APBB2: variants seen among roughly 807,000 people sequenced by gnomAD.
APBB2 encodes the protein Fe65-like 1.
A neutral mutation model predicts 82.5 loss-of-function variants in APBB2; 38 were observed. That is an observed-to-expected ratio of 0.46 (90% CI 0.36 to 0.60). APBB2 has a LOEUF of 0.60. Ranked by LOEUF, APBB2 falls within the 20% of genes least tolerant of loss-of-function variation. The probability of loss-of-function intolerance (pLI) is 0.00; values close to 1 mark genes in which losing one functional copy is unlikely to be tolerated. For missense variants in APBB2, 772 were observed against 972.3 expected, an observed-to-expected ratio of 0.79 and a Z score of 2.74; for synonymous variants, 341 against 368.2, an observed-to-expected ratio of 0.93 and a Z score of 0.85.
rs1357817710 is a variant in APBB2, at chr4:41,214,522, C to A, written c.-534G>T. On this transcript the variant is annotated 5_prime_UTR_variant, in exon 1 of 18. Transcript: ENST00000508593. ...CAGCGCACTAGCTTCCTACTTGAGA[C>A]CAGAACGGGCTCCGGCAACTGAGCA... 1 of 152,320 alleles carries A rather than the reference C, an allele frequency of 6.6e-6. No individual in the cohort carries two copies. The highest frequency in any genetic ancestry group is 1.5e-5 in the Non-Finnish European group (1 of 68,122). The allele number at this position is 152,320 out of a possible 1,614,324, so 9.4% of individuals were successfully genotyped here. A position where few individuals can be genotyped will look rare whatever the true frequency, so the allele number is the denominator to read the frequency against.
At chr4:40,963,511 G>C (rs1471937565) in intron 6 of APBB2, among the ~76,000 whole-genome samples, 2 of 152,238 alleles carry the variant, frequency 1.3e-5, no homozygotes, top group Non-Finnish European at 2.9e-5. Context: ...GCCTCCCAAA[G>C]TGCTGGGATT....
At chr4:41,182,814 CA>C (rs558516748) in intron 1 of APBB2, among the ~76,000 whole-genome samples, 174 of 152,224 alleles carry the variant, frequency 1.1e-3, no homozygotes, top group African/African-American at 4.0e-3. Flanking sequence ...TGTGAGAACT[CA>C]CTGACTACCA....
chr4:41,134,218 G>A (rs1319152643), intron 2 of APBB2, among the ~76,000 whole-genome samples: 3 of 152,022 alleles, frequency 2.0e-5, no homozygotes, highest in African/African-American at 7.2e-5. Flanking sequence ...CTGGTCTCAA[G>A]TGATCCTCCT....
chr4:41,049,522 C>T (rs1383259248), intron 4 of APBB2, among the ~76,000 whole-genome samples: 2 of 144,582 alleles, frequency 1.4e-5, no homozygotes, highest in African/African-American at 5.3e-5. Flanking sequence ...GGCCAGCCCC[C>T]GCCCGGCCAG....
intron 1 of APBB2, among the ~76,000 whole-genome samples, chr4:41,189,273 C>T (rs1327144026): frequency 6.6e-6 from 1 of 152,120 alleles, no homozygotes; most frequent in Non-Finnish European, 1.5e-5. Flanking sequence ...CATACTGAAT[C>T]ACTTCATGAT....
Position 40,832,340 on chromosome 4 carries a change from CT to C in APBB2, c.1530-1764del, listed in dbSNP as rs1752310700. ...TCACCTCGCCATGCCCCAGGCAGCC[CT>C]GCAGTGGGGCTCCCTAAGCCCAGGC... On this transcript the variant is annotated intron_variant, in intron 12 of 17. Transcript: ENST00000508593. This position sits in a 1 kb window ranked among gnomAD's most constrained non-coding sequence, Gnocchi z 4.8. 6.6e-6 allele frequency among the ~76,000 whole-genome samples: 1 copy of C among 152,186 alleles called. No homozygotes were observed. The highest frequency in any genetic ancestry group is 6.5e-5 in the Admixed American group (1 of 15,284).
chr4:41,165,344 C>T (rs1766232959), intron 1 of APBB2, among the ~76,000 whole-genome samples: 1 of 152,130 alleles, frequency 6.6e-6, no homozygotes, highest in Non-Finnish European at 1.5e-5. Flanking sequence ...ACACGAACTA[C>T]CCACAAGGAG....
intron 12 of APBB2, among the ~76,000 whole-genome samples, chr4:40,887,720 C>T (rs1358504892): frequency 1.3e-5 from 2 of 152,142 alleles, no homozygotes; most frequent in African/African-American, 4.8e-5. Flanking sequence ...CAGCCACAAC[C>T]CCATGATCTT....
intron 5 of APBB2, among the ~76,000 whole-genome samples, chr4:41,031,529 C>T (rs1164103439): frequency 6.6e-6 from 1 of 151,232 alleles, no homozygotes; most frequent in Non-Finnish European, 1.5e-5. Flanking sequence ...GTTCCAGTAT[C>T]TCTTACGTTA....
chr4:41,039,305 A>G lies in APBB2; in HGVS notation c.-50-6001T>C, dbSNP rs558396139. Among the ~76,000 whole-genome samples the G allele has an allele frequency of 1.1e-3, 161 of 152,290 alleles. 1 individual carries two copies. The highest frequency in any genetic ancestry group is 3.4e-3 in the Middle Eastern group (1 of 294). ...TAGTGGACCCCTTCCACACTCACCT[A>G]GTGGGAGTTCTAGCCACCCCCAAAC... is the stretch of plus-strand genomic sequence containing the variant. On this transcript the variant is annotated intron_variant, in intron 4 of 17. Transcript: ENST00000508593.
At chr4:40,855,198 C>T (rs1057193622) in intron 12 of APBB2, among the ~76,000 whole-genome samples, 14 of 152,130 alleles carry the variant, frequency 9.2e-5, no homozygotes, top group African/African-American at 3.4e-4. Flanking sequence ...ACACTGCTTC[C>T]CAGGGATGCT....
chr4:41,151,864 A>C (rs1414048763), intron 1 of APBB2, among the ~76,000 whole-genome samples: 1 of 151,838 alleles, frequency 6.6e-6, no homozygotes, highest in Non-Finnish European at 1.5e-5. Context: ...CCCATAAATT[A>C]CTTAGATTTA....
intron 10 of APBB2, among the ~76,000 whole-genome samples, chr4:40,909,513 C>T (rs752032347): frequency 6.6e-6 from 1 of 152,160 alleles, no homozygotes; most frequent in Non-Finnish European, 1.5e-5. Flanking sequence ...TGATTTAGTA[C>T]AGAAACAGTT....
chr4:41,131,108 A>G (rs1370844019), intron 2 of APBB2, among the ~76,000 whole-genome samples: 1 of 152,226 alleles, frequency 6.6e-6, no homozygotes, highest in South Asian at 2.1e-4. Flanking sequence ...GTATGGGGGC[A>G]TTCACAAAGC....
intron 17 of APBB2, among the ~76,000 whole-genome samples, chr4:40,821,502 A>G (rs186963867): frequency 6.6e-6 from 1 of 152,356 alleles, no homozygotes; most frequent in Non-Finnish European, 1.5e-5. Context: ...AATCACTGGA[A>G]ACAAAAGTCA....
chr4:41,103,898 C>T (rs1269254938), intron 2 of APBB2, among the ~76,000 whole-genome samples: 3 of 152,158 alleles, frequency 2.0e-5, no homozygotes, highest in Non-Finnish European at 4.4e-5. Flanking sequence ...AATTCAAGGA[C>T]AAATACAGTC....
intron 12 of APBB2, among the ~76,000 whole-genome samples, chr4:40,885,853 T>C (rs1770066220): frequency 6.6e-6 from 1 of 152,188 alleles, no homozygotes. Context: ...TGCAGAGTCC[T>C]AGTGCATCTC....
chr4:41,028,611 T>C (rs1054276439), intron 5 of APBB2, among the ~76,000 whole-genome samples: 1 of 152,226 alleles, frequency 6.6e-6, no homozygotes, highest in Admixed American at 6.5e-5. Context: ...TGAAATATGA[T>C]ACTGCTGGAC....
intron 3 of APBB2, among the ~76,000 whole-genome samples, chr4:41,067,860 A>G (rs12501572): frequency 0.17 from 26,434 of 152,090 alleles, 2,348 homozygotes; most frequent in African/African-American, 0.19. Context: ...GAGCCCAGGA[A>G]AGGGAATGCG....
Sources: allele counts gnomAD v4.1 joint callset (sites outside exome capture counted in the v4.1 genomes callset), GRCh38; gene constraint gnomAD v4.1.1; non-coding constraint Gnocchi (gnomAD v3.1); transcripts MANE v1.5; gene names NCBI Gene and HGNC (gene_info 2026-07-23, HGNC 2026-07-21).